Variants in LAMA1 observed in about 807,000 individuals in gnomAD.
The protein encoded by LAMA1 is laminin subunit alpha 1.
Under a neutral mutation model 348.7 loss-of-function variants are expected in LAMA1, and 219 were observed. That is an observed-to-expected ratio of 0.63 (90% confidence interval 0.56 to 0.70). The LOEUF (loss-of-function observed/expected upper bound fraction) is 0.70. Ranked by LOEUF, LAMA1 falls within the 30% of genes least tolerant of loss-of-function variation. The probability of loss-of-function intolerance (pLI) is 0.00; values close to 1 mark genes in which losing one functional copy is unlikely to be tolerated. For missense variants in LAMA1, 3,744 were observed against 3,888.0 expected (o/e 0.96, Z 0.99); for synonymous variants, 1,487 against 1,491.0 (o/e 1.00, Z 0.06).
Position 7,010,342 on chromosome 18 carries a change from T to C in LAMA1, c.3731A>G (p.Tyr1244Cys). Residue 1244 changes from tyrosine to cysteine, a missense_variant, in exon 26 of 63, where the codon TAT becomes TGT. Physicochemically the swap from Tyr to Cys is radical, Grantham distance 194 (BLOSUM62 -2). This residue lies in a region of LAMA1 where 1,529 missense variants were observed against 1,689.4 expected (regional missense o/e 0.91). Transcript: ENST00000389658. ...GGAGGTGCCGACGCCATCCAAAGAA[T>C]AGAAGGCCACGCTGTACTTCAGTTT... Reference protein sequence around the residue: ...GGKLKYSVAFYSLDGVGTSNF... With the variant: ...GGKLKYSVAFCSLDGVGTSNF... 6.2e-7 allele frequency: 1 copy of C among 1,614,168 alleles called. No individual in the cohort carries two copies. The highest frequency in any genetic ancestry group is 2.2e-5 in the East Asian group (1 of 44,874).
At chr18:7,098,910 G>A (rs1181448840) in intron 1 of LAMA1, among the ~76,000 whole-genome samples, 24 of 149,878 alleles carry the variant, frequency 1.6e-4, no homozygotes, top group Non-Finnish European at 3.4e-4. Context: ...CTGCCCGGCC[G>A]CCCCTACTGG....
chr18:6,979,718 T>A (rs1425784394), intron 42 of LAMA1, among the ~76,000 whole-genome samples: 1 of 152,016 alleles, frequency 6.6e-6, no homozygotes, highest in Non-Finnish European at 1.5e-5. Context: ...GCTAACACGG[T>A]GAAACCCCAT....
chr18:7,107,364 C>G (rs933102717), intron 1 of LAMA1, among the ~76,000 whole-genome samples: 1 of 152,008 alleles, frequency 6.6e-6, no homozygotes, highest in Non-Finnish European at 1.5e-5. Context: ...GTGATCCACC[C>G]GCCTCCGCCT....
intron 48 of LAMA1, among the ~76,000 whole-genome samples, chr18:6,967,352 C>T (rs1294215481): frequency 6.6e-6 from 1 of 152,170 alleles, no homozygotes; most frequent in East Asian, 1.9e-4. Context: ...CTGTGGCTTC[C>T]TAGCCATATG....
In LAMA1 at chr18:7,044,673, C is replaced by CA. The variant is rs773696489; in HGVS notation, c.976+48_976+49insT. On this transcript the variant is annotated intron_variant, in intron 7 of 62. Transcript: ENST00000389658. ...TTGTTAAGACACCATAAACTTGGGACGTATTAAGAGGAAAACTGTACTGAC... is the reference window on the plus strand; with the variant it reads ...TTGTTAAGACACCATAAACTTGGGACAGTATTAAGAGGAAAACTGTACTGAC... The CA allele has an allele frequency of 1.0e-5, 14 of 1,373,148 alleles. No homozygotes were observed. The African/African-American group carries it at 2.0e-4, about 20-fold the overall frequency. 85.1% of individuals were successfully genotyped at this position (1,373,148 alleles called of 1,614,324 possible). A position where few individuals can be genotyped will look rare whatever the true frequency, so the allele number is the denominator to read the frequency against.
chr18:7,013,751 A>ATG, intron 23 of LAMA1, 64 bp downstream of exon 23: 1 of 1,533,090 alleles, frequency 6.5e-7, no homozygotes. Flanking sequence ...GTAAGTAGTC[A>ATG]AAGCCCAGGA....
chr18:6,998,005 G>A, intron 32 of LAMA1, 121 bp from the exon 33 acceptor site: 1 of 858,524 alleles, frequency 1.2e-6, no homozygotes, highest in South Asian at 1.4e-5. Flanking sequence ...TACACTCCAA[G>A]ACCCCGTGCA....
chr18:6,970,124 AAC>A (rs2057651541), intron 48 of LAMA1, among the ~76,000 whole-genome samples: 1 of 152,194 alleles, frequency 6.6e-6, no homozygotes, highest in African/African-American at 2.4e-5. Flanking sequence ...CCTTGCTGGA[AAC>A]ACAGAATAAG....
intron 1 of LAMA1, among the ~76,000 whole-genome samples, chr18:7,099,572 G>C (rs1271993340): frequency 6.6e-6 from 1 of 151,008 alleles, no homozygotes; most frequent in Admixed American, 6.6e-5. Context: ...CTAAATTTAA[G>C]AGCTAAATTA....
At chr18:7,043,511 A>G (rs2058029322) in intron 7 of LAMA1, 106 bp from the exon 8 acceptor site, 1 of 896,894 alleles carries the variant, frequency 1.1e-6, no homozygotes, top group Non-Finnish European at 1.8e-6. Flanking sequence ...TTAAATTAAA[A>G]TCCTAGAATA....
rs780045907 is a variant in LAMA1, at chr18:6,966,190, A to G, written c.7007T>C (p.Phe2336Ser). Reference sequence around the variant, plus strand: ...GTAGAGAAGAAGTCCATTAGGTGAAAAGGTATTAAAAAGCATGATTATCTG... The same window carrying G: ...GTAGAGAAGAAGTCCATTAGGTGAAGAGGTATTAAAAAGCATGATTATCTG... ...VTQIIMLFNTFSPNGLLLYLG... is the reference protein window; with the variant it reads ...VTQIIMLFNTSSPNGLLLYLG... The change falls in exon 49 of 63, where the codon TTT becomes TCT. Residue 2336 changes from phenylalanine to serine, a missense_variant. Physicochemically the swap from Phe to Ser is radical, Grantham distance 155. Coordinates refer to ENST00000389658, the MANE Select transcript of LAMA1 (RefSeq NM_005559.4). 1.2e-6 allele frequency: 2 copies of G among 1,614,150 alleles called. No homozygotes were observed. The highest frequency in any genetic ancestry group is 2.2e-5 in the South Asian group (2 of 91,060).
At chr18:7,052,770 T>TC (rs1473344664) in intron 3 of LAMA1, among the ~76,000 whole-genome samples, 3 of 150,296 alleles carry the variant, frequency 2.0e-5, no homozygotes, top group Non-Finnish European at 4.4e-5. Context: ...ACGCCTGTAA[T>TC]CCCAGCACTT....
chr18:7,008,382 A>C, intron 28 of LAMA1, 106 bp downstream of exon 28: 1 of 1,274,622 alleles, frequency 7.8e-7, no homozygotes, highest in African/African-American at 1.5e-5. Context: ...AAGAGAAAAA[A>C]ATGATATAGT....
rs36122063 is a variant in LAMA1 at position 7,085,413 on chromosome 18, C to CTTTT, written c.62-4960_62-4957dup. ...TTACTCTTTTTTTCTTCTTCTTCTT[C>CTTTT]TTTTTTTTTTTTTTTTTTTTTTGAG... On this transcript the variant is annotated intron_variant, in intron 1 of 62. Transcript: ENST00000389658. Among the ~76,000 whole-genome samples the CTTTT allele has an allele frequency of 3.7e-3, 313 of 85,266 alleles. 1 individual carries two copies. Among genetic ancestry groups the CTTTT allele is most frequent in the African/African-American group, 7.8e-3 (133 of 17,068 alleles). The allele number at this position is 85,266 out of a possible 152,430, so 55.9% of individuals were successfully genotyped here.
intron 1 of LAMA1, among the ~76,000 whole-genome samples, chr18:7,094,930 C>T (rs968602215): frequency 2.0e-5 from 3 of 152,196 alleles, no homozygotes; most frequent in East Asian, 1.9e-4. Context: ...AAACATTTTT[C>T]GAGAAATTGA....
At chr18:7,067,575 G>A (rs574660249) in intron 3 of LAMA1, among the ~76,000 whole-genome samples, 4 of 152,054 alleles carry the variant, frequency 2.6e-5, no homozygotes, top group South Asian at 4.2e-4. Context: ...TTGGGGTGAC[G>A]CAAACGTTCT....
chr18:7,028,191 A>G (rs1239027010), intron 16 of LAMA1, among the ~76,000 whole-genome samples: 1 of 152,212 alleles, frequency 6.6e-6, no homozygotes, highest in African/African-American at 2.4e-5. Context: ...CCCAGCCTCT[A>G]TCATCTGTGG....
rs113485124 is a variant in LAMA1 at position 6,979,716 on chromosome 18, G to A, written c.6007+805C>T. ...AGATCGAGACCATCCTGGCTAACAC[G>A]GTGAAACCCCATCTCTACTAAAAAT... On this transcript the variant is annotated intron_variant, in intron 42 of 62. Transcript: ENST00000389658. Among the ~76,000 whole-genome samples the A allele has an allele frequency of 4.2e-3, 645 of 152,074 alleles. 6 individuals carry two copies. Among genetic ancestry groups the A allele is most frequent in the African/African-American group, 0.014 (585 of 41,430 alleles).
Position 7,050,737 on chromosome 18 carries a change from C to A in LAMA1, c.545G>T (p.Cys182Phe). The change falls in exon 4 of 63, where the codon TGC becomes TTC. Residue 182 changes from cysteine to phenylalanine, a missense_variant. Physicochemically the swap from Cys to Phe is radical, Grantham distance 205 (BLOSUM62 -2). Transcript: ENST00000389658. ...CACCAATCTGGAATAATAGGAGGTG[C>A]AGATCACTTCATCATCAGCCCTGTA... is the stretch of plus-strand genomic sequence containing the variant. Reference protein sequence around the residue: ...PTYRADDEVICTSYYSRLVPL... With the variant: ...PTYRADDEVIFTSYYSRLVPL... 1 of 1,614,078 alleles carries A rather than the reference C, an allele frequency of 6.2e-7. No individual in the cohort carries two copies. Among genetic ancestry groups the A allele is most frequent in the African/African-American group, 1.3e-5 (1 of 75,016 alleles).
Sources: gnomAD v4.1 joint callset for allele counts (sites outside exome capture counted in the v4.1 genomes callset) on GRCh38, gnomAD v4.1.1 for gene constraint, gnomAD v4.1.1 regional missense constraint, MANE v1.5 for transcripts, NCBI Gene and HGNC (gene_info 2026-07-23, HGNC 2026-07-21) for gene names.